THADA: variants seen among roughly 807,000 people sequenced by gnomAD.
THADA encodes the protein tRNA (32-2'-O)-methyltransferase regulator THADA.
A neutral mutation model predicts 219.8 loss-of-function variants in THADA; 213 were observed. That is an observed-to-expected ratio of 0.97 (90% CI 0.87 to 1.09). The LOEUF (loss-of-function observed/expected upper bound fraction) is 1.09, where lower values mean the gene tolerates loss of function less well. Among genes scored for constraint, THADA ranks in the 50% least tolerant of loss-of-function variants. The pLI, the probability that THADA is intolerant of heterozygous loss-of-function variation, is 0.00. For synonymous variants in THADA, 1,018 were observed against 828.9 expected, an observed-to-expected ratio of 1.23 and a Z score of -3.92; for missense variants, 2,956 against 2,311.3, an observed-to-expected ratio of 1.28 and a Z score of -5.72.
At chr2:43,380,692 G>A (rs1671905412) in intron 29 of THADA, among the ~76,000 whole-genome samples, 1 of 152,152 alleles carries the variant, frequency 6.6e-6, no homozygotes, top group Non-Finnish European at 1.5e-5. Context: ...CCCCAATCTT[G>A]GTTTCGAATA....
rs201237775 is a variant in THADA at position 43,574,951 on chromosome 2, C to T, written c.1114G>A (p.Glu372Lys). 5.8e-5 allele frequency: 94 copies of T among 1,613,838 alleles called. No homozygotes were observed. The highest frequency in any genetic ancestry group is 1.7e-5 in the Admixed American group (1 of 60,000). The change falls in exon 11 of 38, where the codon GAA (glutamate) becomes AAA (lysine). Residue 372 changes from glutamate (E) to lysine (K), a missense_variant. By Grantham distance (56) the Glu-to-Lys change is moderately conservative (BLOSUM62 1). Transcript: ENST00000405975. ...TCCGTTAGGCTCGGGGAACTTGATT[C>T]AAGGACTTGTATGGCTGAATTAGTC... ...SWTNSAIQVLESSSPSLTDSL... is the reference protein window; with the variant it reads ...SWTNSAIQVLKSSSPSLTDSL...
At chr2:43,464,401 G>A (rs1008419885) in intron 26 of THADA, among the ~76,000 whole-genome samples, 1 of 152,158 alleles carries the variant, frequency 6.6e-6, no homozygotes, top group Non-Finnish European at 1.5e-5. Flanking sequence ...TTTCAAGATT[G>A]GAATTGTATA....
intron 26 of THADA, among the ~76,000 whole-genome samples, chr2:43,445,527 G>A (rs1411901515): frequency 6.6e-6 from 1 of 152,210 alleles, no homozygotes; most frequent in Non-Finnish European, 1.5e-5. Flanking sequence ...GGATCTACCA[G>A]GAAGCCCTTT....
At chr2:43,520,786 C>T (rs1692328262) in intron 22 of THADA, among the ~76,000 whole-genome samples, 1 of 151,900 alleles carries the variant, frequency 6.6e-6, no homozygotes, top group Admixed American at 6.6e-5. Flanking sequence ...TACCAGTTCT[C>T]AAGGAAGCTT....
rs146177470 is a variant in THADA, at chr2:43,583,212, C to T, written c.534-1284G>A. Among the ~76,000 whole-genome samples the T allele has an allele frequency of 7.9e-5, 12 of 152,322 alleles. No homozygotes were observed. In the East Asian group the frequency reaches 2.3e-3, roughly 29 times the overall value. On this transcript the variant is annotated intron_variant, in intron 7 of 37. Coordinates refer to ENST00000405975, the MANE Select transcript of THADA (RefSeq NM_022065.5). ...TCTAAATGAGTGAACTTATCTTCAA[C>T]TCCAAATCTGCTGTACCTGCTGCAT...
chr2:43,510,558 T>C (rs996322996), intron 22 of THADA, among the ~76,000 whole-genome samples: 4 of 151,648 alleles, frequency 2.6e-5, no homozygotes, highest in African/African-American at 9.7e-5. Flanking sequence ...GATATAATCC[T>C]CACACAGTTG....
chr2:43,464,028 T>C (rs964179104), intron 26 of THADA, among the ~76,000 whole-genome samples: 1 of 152,236 alleles, frequency 6.6e-6, no homozygotes, highest in Non-Finnish European at 1.5e-5. Context: ...TAAGGTAGTA[T>C]ATTTTATTTA....
At chr2:43,454,706 T>C (rs1199486859) in intron 26 of THADA, among the ~76,000 whole-genome samples, 1 of 152,186 alleles carries the variant, frequency 6.6e-6, no homozygotes, top group Non-Finnish European at 1.5e-5. Context: ...GGTGCTGTAT[T>C]CATGTATGTC....
At chr2:43,498,777 A>T in intron 25 of THADA, 56 bp downstream of exon 25, 1 of 1,555,688 alleles carries the variant, frequency 6.4e-7, no homozygotes, top group Non-Finnish European at 8.7e-7. Context: ...TTAGTTTATT[A>T]AAACCTACTC....
chr2:43,445,599 T>C (rs998292356), intron 26 of THADA, among the ~76,000 whole-genome samples: 2 of 152,264 alleles, frequency 1.3e-5, no homozygotes, highest in Non-Finnish European at 2.9e-5. Flanking sequence ...GCACACTGAC[T>C]GATCAGGGCT....
chr2:43,325,597 CAGA>C (rs1321172560), intron 30 of THADA, among the ~76,000 whole-genome samples: 12 of 149,232 alleles, frequency 8.0e-5, no homozygotes, highest in Admixed American at 3.3e-4. Context: ...GAGATGGGGG[CAGA>C]AGAAGAAGGG....
intron 15 of THADA, chr2:43,563,086 T>A (rs922763960): frequency 1.4e-4 from 22 of 152,342 alleles, no homozygotes; most frequent in African/African-American, 5.3e-4. Context: ...TCTAATCTTT[T>A]TGTTTCCTTC....
At position 43,505,645 on chromosome 2, in the gene THADA, C is replaced by T; in HGVS notation, c.3598G>A (p.Asp1200Asn). 6.3e-7 allele frequency: 1 copy of T among 1,595,666 alleles called. No individual in the cohort carries two copies. The highest frequency in any genetic ancestry group is 8.5e-7 in the Non-Finnish European group (1 of 1,169,602). The change falls in exon 24 of 38, where the codon GAC (aspartate) becomes AAC (asparagine). Residue 1200 changes from aspartate to asparagine, a missense_variant. Asp to Asn is a conservative substitution (Grantham distance 23). Transcript: ENST00000405975. ...ELISLAGPTD[D>N]IQSTVPQVHA... ...ACCTGGGGGACTGTACTCTGTATGT[C>T]ATCTGTAGGCCCAGCCAAAGAGATT...
At chr2:43,430,667 G>A (rs774827938) in intron 26 of THADA, 8 of 457,380 alleles carry the variant, frequency 1.7e-5, no homozygotes, top group Non-Finnish European at 3.1e-5. Flanking sequence ...CAGCTTCAGT[G>A]ATAAGGACAG....
chr2:43,314,725 A>G (rs1029710107), intron 31 of THADA, among the ~76,000 whole-genome samples: 12 of 152,184 alleles, frequency 7.9e-5, no homozygotes, highest in Non-Finnish European at 1.6e-4. Context: ...CTCAACTACA[A>G]CTGGACACTA....
At chr2:43,572,369 AC>A (rs752308708) in intron 12 of THADA, among the ~76,000 whole-genome samples, 15 of 152,082 alleles carry the variant, frequency 9.9e-5, no homozygotes, top group Non-Finnish European at 2.9e-5. Context: ...AAAACACTCC[AC>A]CCCTGATAAG....
rs567863667 is a variant in THADA at position 43,262,390 on chromosome 2, A to G, written c.5296+17375T>C. Among the ~76,000 whole-genome samples, 91 of 152,312 alleles carry G rather than the reference A, an allele frequency of 6.0e-4. 1 individual carries two copies. Among genetic ancestry groups the G allele is most frequent in the African/African-American group, 2.2e-3 (90 of 41,568 alleles). ...CATCATGGATGAAGAGGTGACCTTG[A>G]GGATGGAAGCCACATGCCAGGAGAG... On this transcript the variant is annotated intron_variant, in intron 36 of 37. Transcript: ENST00000405975.
intron 31 of THADA, 33 bp downstream of exon 31, chr2:43,320,413 G>A (rs370033485): frequency 7.8e-6 from 12 of 1,547,638 alleles, no homozygotes; most frequent in South Asian, 1.2e-5. Context: ...GATGTGTAAC[G>A]ATTCCAAAAT....
chr2:43,498,890 A>G lies in THADA; in HGVS notation c.3687T>C (p.Pro1229=). ...RDTRLGENII[P]YVADGAKAAI... Reference sequence around the variant, plus strand: ...CAGCCTTAGCTCCATCAGCAACATAAGGAATAATATTTTCTCCCAGGCGCG... The same window carrying G: ...CAGCCTTAGCTCCATCAGCAACATAGGGAATAATATTTTCTCCCAGGCGCG... Residue 1229 remains proline, a synonymous_variant, in exon 25 of 38, where the codon CCT becomes CCC. Transcript: ENST00000405975. 1.9e-6 allele frequency: 3 copies of G among 1,610,752 alleles called. 1 individual carries two copies. In the South Asian group the frequency reaches 3.3e-5, roughly 18 times the overall value.
Sources: allele counts gnomAD v4.1 joint callset (sites outside exome capture counted in the v4.1 genomes callset), GRCh38; gene constraint gnomAD v4.1.1; transcripts MANE v1.5; gene names NCBI Gene and HGNC (gene_info 2026-07-23, HGNC 2026-07-21).